The following SPATA21 variants were observed in gnomAD, a reference collection of about 807,000 sequenced individuals.
SPATA21 encodes spermatogenesis-associated protein 21.
In SPATA21, 47 loss-of-function variants were observed where a neutral mutation model predicts 54.8. That is an observed-to-expected ratio of 0.86 (90% confidence interval 0.68 to 1.09). The LOEUF (loss-of-function observed/expected upper bound fraction) is 1.09. SPATA21 is among the 50% of genes least tolerant of loss of function. SPATA21 has a pLI of 0.00. For missense variants in SPATA21, 599 were observed against 596.4 expected (o/e 1.00, Z -0.05); for synonymous variants, 245 against 235.3 (o/e 1.04, Z -0.38).
chr1:16,411,809 C>A (rs11260748), intron 5 of SPATA21, among the ~76,000 whole-genome samples: 1,152 of 22,164 alleles, frequency 0.052, 65 homozygotes, highest in East Asian at 0.32. Flanking sequence ...AAAAAAAAAA[C>A]AAAACAAAAC....
chr1:16,401,020 TA>T, intron 10 of SPATA21, 128 bp from the exon 11 acceptor site: 1 of 1,112,566 alleles, frequency 9.0e-7, no homozygotes, highest in Middle Eastern at 3.1e-4. Context: ...ACCTGGCTTC[TA>T]GTCTCAGCTC....
At chr1:16,425,803 A>G (rs2086302842) in intron 3 of SPATA21, 1 of 1,372,178 alleles carries the variant, frequency 7.3e-7, no homozygotes, top group Admixed American at 2.1e-5. Flanking sequence ...TTACAGGGCT[A>G]GGCATACCAT....
chr1:16,412,805 T>G (rs921300074), intron 5 of SPATA21, among the ~76,000 whole-genome samples: 1 of 151,968 alleles, frequency 6.6e-6, no homozygotes, highest in Non-Finnish European at 1.5e-5. Flanking sequence ...TTTCTTTCTT[T>G]TTTTAGATAA....
chr1:16,398,247 T>C (rs897879045), downstream of SPATA21: 1 of 161,386 alleles, frequency 6.2e-6, no homozygotes, highest in Non-Finnish European at 1.3e-5. Flanking sequence ...AAAGACTGTC[T>C]TTGGTAAAAC....
At chr1:16,425,206 C>A (rs1435420105) in intron 3 of SPATA21, 2 of 514,572 alleles carry the variant, frequency 3.9e-6, no homozygotes, top group Admixed American at 2.3e-5. Flanking sequence ...GCCACCATGC[C>A]CGGCCTGGAA....
At chr1:16,434,641 C>T (rs898021585) in intron 1 of SPATA21, among the ~76,000 whole-genome samples, 2 of 152,010 alleles carry the variant, frequency 1.3e-5, no homozygotes, top group Admixed American at 6.6e-5. Flanking sequence ...TATGAACATT[C>T]ATGTACAAGT....
intron 5 of SPATA21, among the ~76,000 whole-genome samples, chr1:16,416,680 CAAAA>C (rs71574184): frequency 7.7e-6 from 1 of 130,238 alleles, no homozygotes; most frequent in Non-Finnish European, 1.6e-5. Flanking sequence ...GACTCCATCT[CAAAA>C]AAAAAAAAAA....
Position 16,429,970 on chromosome 1 carries a change from G to A in SPATA21, c.34+1368C>T, listed in dbSNP as rs1257302325. ...ACTTGGGGTCAGGAGTTCAAGACCA[G>A]CCTGTCCAACATGGTGAAATCCCAT... On this transcript the variant is annotated intron_variant, in intron 3 of 12. Coordinates refer to ENST00000335496, the MANE Select transcript of SPATA21 (RefSeq NM_198546.1). Among the ~76,000 whole-genome samples the A allele has an allele frequency of 3.3e-5, 5 of 150,744 alleles. No homozygotes were observed. The South Asian group carries it at 8.4e-4, about 25-fold the overall frequency.
In SPATA21 at chr1:16,411,993, A is replaced by G. The variant is rs552709363; in HGVS notation, c.145-1950T>C. On this transcript the variant is annotated intron_variant, in intron 5 of 12. Coordinates refer to ENST00000335496, the MANE Select transcript of SPATA21 (RefSeq NM_198546.1). ...ATGCCACAGTCAGATCTCTGCCCTCATCTGAGTTGACCCCTTGGCAGCATT... is the reference window on the plus strand; with the variant it reads ...ATGCCACAGTCAGATCTCTGCCCTCGTCTGAGTTGACCCCTTGGCAGCATT... Among the ~76,000 whole-genome samples the G allele has an allele frequency of 2.2e-3, 327 of 151,974 alleles. 3 individuals carry two copies. The highest frequency in any genetic ancestry group is 7.6e-3 in the African/African-American group (315 of 41,496).
chr1:16,424,808 A>G (rs1356251509), intron 3 of SPATA21: 1 of 158,298 alleles, frequency 6.3e-6, no homozygotes, highest in East Asian at 1.9e-4. Flanking sequence ...CAGCTTTGTT[A>G]AACTCAGCAT....
intron 2 of SPATA21, among the ~76,000 whole-genome samples, chr1:16,432,469 T>C (rs370269612): frequency 6.6e-6 from 1 of 152,002 alleles, no homozygotes; most frequent in Non-Finnish European, 1.5e-5. Flanking sequence ...TCCAACCTCA[T>C]GTTCAGCTGT....
intron 5 of SPATA21, 122 bp from the exon 6 acceptor site, chr1:16,410,165 G>A: frequency 1.2e-6 from 1 of 800,204 alleles, no homozygotes; most frequent in South Asian, 2.0e-5. Flanking sequence ...GCCTTTGGAG[G>A]ATGTACCCCA....
chr1:16,398,998 A>G (rs1202629868), intron 12 of SPATA21, among the ~76,000 whole-genome samples, 176 bp from the exon 13 acceptor site: 1 of 152,128 alleles, frequency 6.6e-6, no homozygotes, highest in African/African-American at 2.4e-5. Flanking sequence ...TCCCTTCCCC[A>G]GCGGCCTGGA....
In SPATA21 at chr1:16,409,160, G is replaced by C; in HGVS notation, c.631C>G (p.Arg211Gly). The C allele has an allele frequency of 6.2e-7, 1 of 1,614,086 alleles. No individual in the cohort carries two copies. Among genetic ancestry groups the C allele is most frequent in the Non-Finnish European group, 8.5e-7 (1 of 1,179,996 alleles). Residue 211 changes from arginine (R) to glycine (G), a missense_variant, in exon 7 of 13, where the codon CGG becomes GGG. Physicochemically the swap from Arg to Gly is moderately radical, Grantham distance 125 (BLOSUM62 -2). Coordinates refer to ENST00000335496, the MANE Select transcript of SPATA21 (RefSeq NM_198546.1). The surrounding 1 kb of genome is among the most constrained non-coding windows in gnomAD (Gnocchi z 4.1). ...GTCAGTTGCTCCTCGGACTTCTCCC[G>C]GTTTTGATAAAGCTTTTGGAGGCTC... ...EQSLQKLYQN[R>G]EKSEEQLTLK...
chr1:16,437,817 C>T (rs1488392822), upstream of SPATA21, among the ~76,000 whole-genome samples: 3 of 151,952 alleles, frequency 2.0e-5, no homozygotes, highest in Non-Finnish European at 4.4e-5. Flanking sequence ...TTTGGGAGGC[C>T]GAGGTGGGTG....
chr1:16,410,087 A>T, intron 5 of SPATA21, 44 bp from the exon 6 acceptor site: 3 of 1,449,104 alleles, frequency 2.1e-6, no homozygotes, highest in Non-Finnish European at 2.8e-6. Flanking sequence ...AGTGGGCCAG[A>T]GTGTCCCACA....
rs754474259 is a variant in SPATA21 at position 16,400,910 on chromosome 1, A to G, written c.1002-18T>C. On this transcript the variant is annotated intron_variant, in intron 10 of 12. Coordinates refer to ENST00000335496, the MANE Select transcript of SPATA21 (RefSeq NM_198546.1). ...GGTAGTAGCTGGGGAGGCAGTGCCC[A>G]CCCATCTCAGCCTGGCTGTGTTTAA... 4.4e-6 allele frequency: 7 copies of G among 1,608,656 alleles called. 1 individual carries two copies. Among genetic ancestry groups the G allele is most frequent in the Non-Finnish European group, 5.9e-6 (7 of 1,177,190 alleles).
chr1:16,417,391 C>T (rs1421851275), intron 5 of SPATA21, among the ~76,000 whole-genome samples: 58 of 150,828 alleles, frequency 3.8e-4, no homozygotes, highest in Admixed American at 1.3e-4. Context: ...CCCAAGTAGC[C>T]GGGACTACAG....
At position 16,434,597 on chromosome 1, in the gene SPATA21, G is replaced by A. The variant is rs549257434; in HGVS notation, c.-186-1673C>T. Among the ~76,000 whole-genome samples, 8 of 151,588 alleles carry A rather than the reference G, an allele frequency of 5.3e-5. No individual in the cohort carries two copies. In the South Asian group the frequency reaches 6.3e-4, roughly 12 times the overall value. Reference sequence around the variant, plus strand: ...AGGTGTGAGCCACCATGCCTGGCCCGTTTCCACATTTTACCTATTATGAAT... The same window carrying A: ...AGGTGTGAGCCACCATGCCTGGCCCATTTCCACATTTTACCTATTATGAAT... On this transcript the variant is annotated intron_variant, in intron 1 of 12. Transcript: ENST00000335496.
Sources: gnomAD v4.1 joint callset for allele counts (sites outside exome capture counted in the v4.1 genomes callset) on GRCh38, gnomAD v4.1.1 for gene constraint, Gnocchi (gnomAD v3.1) non-coding constraint, MANE v1.5 for transcripts, NCBI Gene and HGNC (gene_info 2026-07-23, HGNC 2026-07-21) for gene names.